SRRM3: variants seen among roughly 807,000 people sequenced by gnomAD.
SRRM3 encodes the protein serine/arginine repetitive matrix 3.
In SRRM3, 27 loss-of-function variants were observed where a neutral mutation model predicts 66.2. That is an observed-to-expected ratio of 0.41 (90% CI 0.30 to 0.56). The LOEUF is 0.56. Ranked by LOEUF, SRRM3 falls within the 20% of genes least tolerant of loss-of-function variation. The pLI is 0.32. For synonymous variants in SRRM3, 391 were observed against 414.9 expected (o/e 0.94, Z 0.70); for missense variants, 918 against 991.9 (o/e 0.93, Z 1.00).
chr7:76,233,444 C>A (rs1801061926), intron 1 of SRRM3, among the ~76,000 whole-genome samples: 1 of 152,170 alleles, frequency 6.6e-6, no homozygotes, highest in Admixed American at 6.5e-5. Flanking sequence ...AGAGGGGTCA[C>A]CCATGAGCCA....
chr7:76,268,298 G>C (rs1255788326), intron 11 of SRRM3: 1 of 149,286 alleles, frequency 6.7e-6, no homozygotes, highest in Non-Finnish European at 1.5e-5. Flanking sequence ...CCCAGGGAAG[G>C]TCCACATCCC....
intron 2 of SRRM3, among the ~76,000 whole-genome samples, chr7:76,241,524 G>A (rs541694256): frequency 6.6e-6 from 1 of 152,150 alleles, no homozygotes; most frequent in South Asian, 2.1e-4. Context: ...TTATTTTTGA[G>A]ACAGAGTCTC....
chr7:76,265,530 C>G, intron 10 of SRRM3, 62 bp downstream of exon 10: 2 of 1,356,902 alleles, frequency 1.5e-6, no homozygotes, highest in Non-Finnish European at 2.1e-6. Flanking sequence ...GATTAAACAC[C>G]CCCAAGGGCT....
chr7:76,272,578 G>A (rs1175713959), intron 11 of SRRM3, among the ~76,000 whole-genome samples: 2 of 152,024 alleles, frequency 1.3e-5, no homozygotes, highest in Admixed American at 6.6e-5. Context: ...CTTGAACCCA[G>A]GAGGCAGAGG....
At position 76,235,156 on chromosome 7, in the gene SRRM3, G is replaced by T. The variant is rs782738547; in HGVS notation, c.90G>T (p.Gly30=). 3.5e-5 allele frequency: 55 copies of T among 1,558,324 alleles called. 2 individuals carry two copies. The South Asian group carries it at 6.1e-4, about 17-fold the overall frequency. Residue 30 remains glycine (G), a synonymous_variant, in exon 2 of 15, where the codon GGG becomes GGT. Transcript: ENST00000611745. ...TCCCGCAGCCCAGCTCCTCCTCGGG[G>T]ACCTGGCCGCGGGCGGAAGAGGAGC... ...NGFPQPSSSS[G]TWPRAEEELR...
In SRRM3 at chr7:76,261,393, T is replaced by C; in HGVS notation, c.617T>C (p.Val206Ala). The C allele has an allele frequency of 6.3e-7, 1 of 1,588,436 alleles. No individual in the cohort carries two copies. The change falls in exon 7 of 15, where the codon GTG becomes GCG. Residue 206 changes from valine (V) to alanine (A), a missense_variant. Physicochemically the swap from Val to Ala is moderately conservative, Grantham distance 64. Coordinates refer to ENST00000611745, the MANE Select transcript of SRRM3 (RefSeq NM_001110199.3). ...SSPLRKKKKSVKKHRRDRSDS... is the reference protein window; with the variant it reads ...SSPLRKKKKSAKKHRRDRSDS... The stretch of plus-strand genomic sequence containing the variant: ...CCCCTCCGCAAGAAGAAGAAGAGTG[T>C]GAAGAAGCATCGCCGAGACAGGTAC...
chr7:76,259,890 T>C lies in SRRM3; in HGVS notation c.336-16T>C. 1 of 1,600,274 alleles carries C rather than the reference T, an allele frequency of 6.2e-7. No individual in the cohort carries two copies. Among genetic ancestry groups the C allele is most frequent in the Non-Finnish European group, 8.5e-7 (1 of 1,179,480 alleles). On this transcript the variant is annotated splice_polypyrimidine_tract_variant and intron_variant, in intron 3 of 14. Transcript: ENST00000611745. ...GTCGTCCCGAGACTGGTGGTGAGCG[T>C]CCCTGTCGCCGGCAGTGTGGCGGAG...
chr7:76,267,514 AG>A, intron 11 of SRRM3, 79 bp downstream of exon 11: 2 of 231,752 alleles, frequency 8.6e-6, no homozygotes, highest in Non-Finnish European at 6.1e-6. Flanking sequence ...CCAGCGGGGC[AG>A]GGGGCGATAA....
chr7:76,219,470 T>C (rs1554602968), intron 1 of SRRM3, among the ~76,000 whole-genome samples: 1 of 152,200 alleles, frequency 6.6e-6, no homozygotes, highest in East Asian at 1.9e-4. Flanking sequence ...CGGCTTTCTC[T>C]TTGATCTCAG....
At chr7:76,266,680 A>ATATATTATTATATATATTTATATATTAT (rs1802066352) in intron 10 of SRRM3, among the ~76,000 whole-genome samples, 2 of 134,090 alleles carry the variant, frequency 1.5e-5, no homozygotes, top group African/African-American at 5.6e-5. Flanking sequence ...TTATATATAT[A>ATATATTATTATATATATTTATATATTAT]ATATATATTT....
intron 3 of SRRM3, among the ~76,000 whole-genome samples, chr7:76,253,097 G>A (rs1356813355): frequency 6.6e-6 from 1 of 152,108 alleles, no homozygotes; most frequent in Non-Finnish European, 1.5e-5. Flanking sequence ...CCAGGAGGTG[G>A]AAGTTGTTGC....
At chr7:76,244,492 C>A (rs1429030188) in intron 2 of SRRM3, among the ~76,000 whole-genome samples, 1 of 144,642 alleles carries the variant, frequency 6.9e-6, no homozygotes, top group Non-Finnish European at 1.5e-5. Flanking sequence ...CCACTGCACT[C>A]TAGCCTGGGC....
chr7:76,202,522 C>T (rs1016281290), intron 1 of SRRM3, among the ~76,000 whole-genome samples: 1 of 152,122 alleles, frequency 6.6e-6, no homozygotes, highest in African/African-American at 2.4e-5. Flanking sequence ...ACAGCCTGGC[C>T]CCTTTCCCGG....
In SRRM3 at chr7:76,248,281, G is replaced by A. The variant is rs781981086; in HGVS notation, c.327G>A (p.Gly109=). The change falls in exon 3 of 15, where the codon GGG becomes GGA. Residue 109 remains glycine, a synonymous_variant. Coordinates refer to ENST00000611745, the MANE Select transcript of SRRM3 (RefSeq NM_001110199.3). ...TGCTCACCAGGGAGGACCGGCCTGGGGGCCACATGTGAGTGCTTACCTGTG... is the reference window on the plus strand; with the variant it reads ...TGCTCACCAGGGAGGACCGGCCTGGAGGCCACATGTGAGTGCTTACCTGTG... ...EGVLTREDRP[G]GHIVAETPRL... 1.9e-6 allele frequency: 3 copies of A among 1,612,774 alleles called. No homozygotes were observed. The highest frequency in any genetic ancestry group is 2.5e-6 in the Non-Finnish European group (3 of 1,179,112).
intron 1 of SRRM3, among the ~76,000 whole-genome samples, chr7:76,216,519 C>A (rs78663390): frequency 0.22 from 33,909 of 152,072 alleles, 4,343 homozygotes; most frequent in East Asian, 0.46. Context: ...TCTTCAATGG[C>A]GAGTCCCTGG....
intron 1 of SRRM3, among the ~76,000 whole-genome samples, chr7:76,205,550 T>G (rs564850834): frequency 1.5e-3 from 222 of 152,276 alleles, no homozygotes; most frequent in African/African-American, 4.9e-3. Context: ...AACTCTCCTA[T>G]TTTCCCCAAA....
intron 12 of SRRM3, 30 bp downstream of exon 12, chr7:76,281,832 C>T (rs1802520020): frequency 1.6e-6 from 2 of 1,273,952 alleles, no homozygotes; most frequent in Non-Finnish European, 2.0e-6. Context: ...AGCTGGACTC[C>T]CGCCCCCACC....
At chr7:76,249,411 G>A (rs546455595) in intron 3 of SRRM3, among the ~76,000 whole-genome samples, 1 of 151,796 alleles carries the variant, frequency 6.6e-6, no homozygotes, top group African/African-American at 2.4e-5. Flanking sequence ...TGGCTTTGCT[G>A]AGGTCACGCC....
At chr7:76,271,421 A>T (rs1431779204) in intron 11 of SRRM3, among the ~76,000 whole-genome samples, 1 of 152,064 alleles carries the variant, frequency 6.6e-6, no homozygotes, top group Non-Finnish European at 1.5e-5. Flanking sequence ...AGGCTGCAGT[A>T]AGCCATGATT....
Sources: allele counts gnomAD v4.1 joint callset (sites outside exome capture counted in the v4.1 genomes callset), GRCh38; gene constraint gnomAD v4.1.1; transcripts MANE v1.5; gene names NCBI Gene and HGNC (gene_info 2026-07-23, HGNC 2026-07-21).